The following ARIH2 variants were observed in gnomAD, a reference collection of about 807,000 sequenced individuals.
The protein encoded by ARIH2 is ariadne RBR E3 ubiquitin protein ligase 2.
ARIH2 carries 12 observed loss-of-function variants against 79.8 expected under a neutral mutation model. That is an observed-to-expected ratio of 0.15 (90% CI 0.10 to 0.24). ARIH2 has a LOEUF of 0.24. Ranked by LOEUF, ARIH2 falls within the 10% of genes least tolerant of loss-of-function variation. The pLI is 1.00. For missense variants in ARIH2, 301 were observed against 618.3 expected (o/e 0.49, Z 5.44); for synonymous variants, 224 against 213.9 (o/e 1.05, Z -0.41).
At chr3:48,956,995 G>C (rs972761009) in intron 3 of ARIH2, among the ~76,000 whole-genome samples, 2 of 152,212 alleles carry the variant, frequency 1.3e-5, no homozygotes, top group East Asian at 3.8e-4. Context: ...TTATAGGCAC[G>C]AGCCACTGTG....
Position 48,982,947 on chromosome 3 carries a change from A to G in ARIH2, c.1378A>G (p.Lys460Glu). ...LEAEIENLSWKVERADSYDRG... is the reference protein window; with the variant it reads ...LEAEIENLSWEVERADSYDRG... ...GGCTGAGATCGAAAACCTCTCATGG[A>G]AAGTGGAGCGTGCAGACAGCTATGA... The change falls in exon 15 of 16, where the codon AAA becomes GAA. Residue 460 changes from lysine to glutamate, a missense_variant. Physicochemically the swap from Lys to Glu is moderately conservative, Grantham distance 56. Transcript: ENST00000356401. The G allele has an allele frequency of 6.2e-7, 1 of 1,614,160 alleles. No individual in the cohort carries two copies. Among genetic ancestry groups the G allele is most frequent in the Non-Finnish European group, 8.5e-7 (1 of 1,180,036 alleles).
At chr3:48,947,637 C>A (rs917539681) in intron 3 of ARIH2, among the ~76,000 whole-genome samples, 6 of 152,084 alleles carry the variant, frequency 3.9e-5, no homozygotes. Context: ...AATAAAAAGT[C>A]AAAGTATACT....
chr3:48,939,485 C>T (rs186541415), intron 3 of ARIH2, among the ~76,000 whole-genome samples: 5 of 151,184 alleles, frequency 3.3e-5, no homozygotes, highest in African/African-American at 7.3e-5. Flanking sequence ...TAGCTGGGCG[C>T]GGTGACTCAC....
intron 13 of ARIH2, among the ~76,000 whole-genome samples, chr3:48,980,928 C>T (rs1374969124): frequency 1.5e-5 from 2 of 137,222 alleles, no homozygotes; most frequent in Non-Finnish European, 3.0e-5. Flanking sequence ...GGCTGAGGCA[C>T]GAGAATTGCT....
intron 3 of ARIH2, among the ~76,000 whole-genome samples, chr3:48,950,951 CTTT>C (rs748827327): frequency 2.3e-5 from 3 of 129,234 alleles, no homozygotes; most frequent in Admixed American, 7.7e-5. Context: ...CTTTCTTCTT[CTTT>C]TTTTTTTTTT....
chr3:48,928,004 T>A, intron 3 of ARIH2, 191 bp downstream of exon 3: 1 of 652,008 alleles, frequency 1.5e-6, no homozygotes, highest in Non-Finnish European at 2.5e-6. Flanking sequence ...TCTAAGGTCC[T>A]CAGATTCCCA....
intron 13 of ARIH2, 119 bp from the exon 14 acceptor site, chr3:48,981,541 G>A: frequency 1.4e-6 from 1 of 689,962 alleles, no homozygotes; most frequent in Non-Finnish European, 2.4e-6. Flanking sequence ...TTTCTTTCAG[G>A]CCTATATCTA....
intron 4 of ARIH2, among the ~76,000 whole-genome samples, chr3:48,963,075 C>T (rs993980906): frequency 3.9e-5 from 6 of 152,086 alleles, no homozygotes; most frequent in African/African-American, 1.4e-4. Context: ...AGAGGAAGAT[C>T]GTGCCTTTCC....
At chr3:48,931,459 G>C (rs1381086437) in intron 3 of ARIH2, among the ~76,000 whole-genome samples, 1 of 151,984 alleles carries the variant, frequency 6.6e-6, no homozygotes, top group African/African-American at 2.4e-5. Flanking sequence ...TGAGGCAGGA[G>C]AATGGGTGTG....
chr3:48,963,728 C>G (rs879470433), intron 4 of ARIH2, among the ~76,000 whole-genome samples: 11 of 151,918 alleles, frequency 7.2e-5, no homozygotes, highest in Non-Finnish European at 1.2e-4. Flanking sequence ...TATAGGTGTT[C>G]CTGATATTGT....
chr3:48,967,479 C>G (rs2091880430), intron 6 of ARIH2, among the ~76,000 whole-genome samples: 1 of 152,174 alleles, frequency 6.6e-6, no homozygotes, highest in African/African-American at 2.4e-5. Flanking sequence ...ACTAAATATA[C>G]TGTTGTAAAT....
chr3:48,954,864 T>G (rs2090398569), intron 3 of ARIH2, among the ~76,000 whole-genome samples: 1 of 152,238 alleles, frequency 6.6e-6, no homozygotes, highest in Non-Finnish European at 1.5e-5. Flanking sequence ...AGTTTTTAAT[T>G]TCTAGTTTTT....
At chr3:48,955,248 C>T (rs1322559432) in intron 3 of ARIH2, among the ~76,000 whole-genome samples, 1 of 151,802 alleles carries the variant, frequency 6.6e-6, no homozygotes, top group Admixed American at 6.6e-5. Context: ...ACTTTTAATC[C>T]TCTGGTTACA....
chr3:48,952,163 A>G (rs1311442182), intron 3 of ARIH2, among the ~76,000 whole-genome samples: 1 of 152,152 alleles, frequency 6.6e-6, no homozygotes, highest in Non-Finnish European at 1.5e-5. Flanking sequence ...AACATTTTCT[A>G]ATTTCTCTTT....
chr3:48,973,840 A>G (rs1295741430), intron 9 of ARIH2, 24 bp downstream of exon 9: 2 of 1,550,246 alleles, frequency 1.3e-6, no homozygotes, highest in African/African-American at 1.4e-5. Flanking sequence ...TTTACCTCTC[A>G]TGGATTTGCC....
At chr3:48,938,987 G>A (rs2087616521) in intron 3 of ARIH2, among the ~76,000 whole-genome samples, 1 of 133,732 alleles carries the variant, frequency 7.5e-6, no homozygotes, top group Admixed American at 7.8e-5. Context: ...TTAATTTTTT[G>A]AGACAGAGTG....
rs201946896 is a variant in ARIH2, at chr3:48,983,294, T to C, written c.*24T>C. 6.2e-7 allele frequency: 1 copy of C among 1,613,004 alleles called. No individual in the cohort carries two copies. The highest frequency in any genetic ancestry group is 1.3e-5 in the African/African-American group (1 of 74,874). ...AAGTTGGGATGTGGATGTGCCGGGG[T>C]GAGGAAGATGTGGCTGCAAGGTCTC... On this transcript the variant is annotated 3_prime_UTR_variant, in exon 16 of 16. Coordinates refer to ENST00000356401, the MANE Select transcript of ARIH2 (RefSeq NM_006321.4).
intron 9 of ARIH2, 108 bp from the exon 10 acceptor site, chr3:48,974,709 G>A: frequency 9.0e-7 from 1 of 1,107,632 alleles, no homozygotes; most frequent in South Asian, 1.3e-5. Flanking sequence ...CTCCCCAGAA[G>A]TGCTCACACC....
chr3:48,958,712 A>G (rs2090897753), intron 3 of ARIH2, among the ~76,000 whole-genome samples: 1 of 151,774 alleles, frequency 6.6e-6, no homozygotes, highest in South Asian at 2.1e-4. Flanking sequence ...CCATCTCAAA[A>G]AAAAGAAAAA....
Sources: allele counts gnomAD v4.1 joint callset (sites outside exome capture counted in the v4.1 genomes callset), GRCh38; gene constraint gnomAD v4.1.1; transcripts MANE v1.5; gene names NCBI Gene and HGNC (gene_info 2026-07-23, HGNC 2026-07-21).